The following CDH12 variants were observed in gnomAD, a reference collection of about 807,000 sequenced individuals.
The protein encoded by CDH12 is cadherin-12.
A neutral mutation model predicts 74.1 loss-of-function variants in CDH12; 41 were observed. That is an observed-to-expected ratio of 0.55 (90% confidence interval 0.43 to 0.72). The LOEUF (loss-of-function observed/expected upper bound fraction) is 0.72. Among genes scored for constraint, CDH12 ranks in the 30% least tolerant of loss-of-function variants. CDH12 has a pLI of 0.00. For missense variants in CDH12, 945 were observed against 977.2 expected (o/e 0.97, Z 0.44); for synonymous variants, 399 against 355.0 (o/e 1.12, Z -1.39).
intron 1 of CDH12, among the ~76,000 whole-genome samples, chr5:22,593,596 C>T (rs777278348): frequency 6.6e-6 from 1 of 152,112 alleles, no homozygotes; most frequent in Non-Finnish European, 1.5e-5. Flanking sequence ...TTAATTATCT[C>T]TTTTTGTAAC....
chr5:22,360,519 A>T (rs1388621114), intron 3 of CDH12, among the ~76,000 whole-genome samples: 1 of 152,202 alleles, frequency 6.6e-6, no homozygotes, highest in Non-Finnish European at 1.5e-5. Flanking sequence ...AGCTGGTACC[A>T]TTCCTTCTGA....
rs769795379 is a variant in CDH12, at chr5:21,842,152, G to T, written c.814+9C>A. 1 of 1,602,046 alleles carries T rather than the reference G, an allele frequency of 6.2e-7. No homozygotes were observed. The highest frequency in any genetic ancestry group is 1.7e-5 in the Admixed American group (1 of 58,030). On this transcript the variant is annotated intron_variant, in intron 8 of 14. Coordinates refer to ENST00000382254, the MANE Select transcript of CDH12 (RefSeq NM_004061.5). Reference sequence around the variant, plus strand: ...CAATAATTTAGGCTTAACAGGAAAGGTGACATACTTTTGGGGAATCGAGGT... The same window carrying T: ...CAATAATTTAGGCTTAACAGGAAAGTTGACATACTTTTGGGGAATCGAGGT...
intron 3 of CDH12, among the ~76,000 whole-genome samples, chr5:22,310,163 A>T (rs1240845485): frequency 6.6e-6 from 1 of 151,742 alleles, no homozygotes; most frequent in Non-Finnish European, 1.5e-5. Context: ...AAACAACAAT[A>T]ACAACAACAA....
intron 4 of CDH12, among the ~76,000 whole-genome samples, chr5:22,122,773 A>C (rs576142143): frequency 1.1e-4 from 17 of 152,248 alleles, no homozygotes; most frequent in African/African-American, 4.1e-4. Context: ...AAAACAAAAA[A>C]CCTGAGAAAG....
At chr5:22,547,670 T>A (rs991211686) in intron 1 of CDH12, among the ~76,000 whole-genome samples, 5 of 152,286 alleles carry the variant, frequency 3.3e-5, no homozygotes, top group African/African-American at 1.2e-4. Flanking sequence ...ATTTTATAAG[T>A]CATGTATCAA....
chr5:22,674,671 G>C (rs1264322429), intron 1 of CDH12, among the ~76,000 whole-genome samples: 5 of 152,132 alleles, frequency 3.3e-5, no homozygotes, highest in African/African-American at 1.2e-4. Context: ...TTGTTGAATG[G>C]CTTTGACAAA....
intron 1 of CDH12, among the ~76,000 whole-genome samples, chr5:22,535,166 T>TC (rs1393469769): frequency 1.4e-5 from 2 of 143,102 alleles, no homozygotes; most frequent in African/African-American, 5.1e-5. Context: ...TTCTTTTTTT[T>TC]TTTTTTTTGA....
intron 1 of CDH12, among the ~76,000 whole-genome samples, chr5:22,748,141 C>G (rs1230868247): frequency 6.6e-6 from 1 of 151,966 alleles, no homozygotes; most frequent in African/African-American, 2.4e-5. Flanking sequence ...TAAATTGAAA[C>G]AAGACAAAAA....
intron 6 of CDH12, among the ~76,000 whole-genome samples, chr5:21,924,964 A>G (rs1754522276): frequency 6.6e-6 from 1 of 152,186 alleles, no homozygotes; most frequent in African/African-American, 2.4e-5. Flanking sequence ...ATCTTCCTGG[A>G]GAATGCAACA....
chr5:21,832,931 ATAT>A (rs1318926006), intron 8 of CDH12, among the ~76,000 whole-genome samples: 2 of 70,754 alleles, frequency 2.8e-5, no homozygotes, highest in African/African-American at 1.1e-4. Context: ...TATATATCAT[ATAT>A]TATATATAAT....
At chr5:22,428,666 A>C (rs987219096) in intron 2 of CDH12, among the ~76,000 whole-genome samples, 1 of 152,150 alleles carries the variant, frequency 6.6e-6, no homozygotes, top group Non-Finnish European at 1.5e-5. Context: ...TGGGTCCAAC[A>C]CCAGAGGCAT....
chr5:21,970,877 A>G (rs1459468421), intron 6 of CDH12, among the ~76,000 whole-genome samples: 1 of 148,508 alleles, frequency 6.7e-6, no homozygotes. Context: ...AAAAAAAAGA[A>G]AAAAGAAAAT....
In CDH12 at chr5:22,313,521, C is replaced by G. The variant is rs1738477062; in HGVS notation, c.-333+91736G>C. ...AGTCTTTGTTCTAAAAGTCTCATTT[C>G]TTGTGAAAGCTCTTAGCTTAAGTAA... is the stretch of plus-strand genomic sequence containing the variant. On this transcript the variant is annotated intron_variant, in intron 3 of 14. Transcript: ENST00000382254. 2.6e-5 allele frequency among the ~76,000 whole-genome samples: 4 copies of G among 152,068 alleles called. 1 individual carries two copies. In the South Asian group the frequency reaches 8.3e-4, roughly 31 times the overall value.
At chr5:22,518,089 C>A (rs1736883433) in intron 1 of CDH12, among the ~76,000 whole-genome samples, 1 of 152,130 alleles carries the variant, frequency 6.6e-6, no homozygotes, top group African/African-American at 2.4e-5. Flanking sequence ...TCTGTTTAAG[C>A]AAATTGATTA....
At chr5:22,495,791 G>T (rs548116265) in intron 2 of CDH12, among the ~76,000 whole-genome samples, 4 of 152,066 alleles carry the variant, frequency 2.6e-5, no homozygotes, top group African/African-American at 9.6e-5. Context: ...TGAGTATGAC[G>T]CCCTTAATAA....
At chr5:22,179,039 G>A (rs1471942257) in intron 4 of CDH12, among the ~76,000 whole-genome samples, 1 of 152,164 alleles carries the variant, frequency 6.6e-6, no homozygotes, top group African/African-American at 2.4e-5. Context: ...GGAATACAAG[G>A]GTGATAATCC....
At chr5:22,203,484 C>G (rs1452516805) in intron 4 of CDH12, among the ~76,000 whole-genome samples, 2 of 152,082 alleles carry the variant, frequency 1.3e-5, no homozygotes, top group Non-Finnish European at 2.9e-5. Flanking sequence ...TTTTCCTTGT[C>G]CACTCATCTG....
At chr5:21,773,952 G>C (rs1179921795) in intron 11 of CDH12, among the ~76,000 whole-genome samples, 1 of 152,060 alleles carries the variant, frequency 6.6e-6, no homozygotes, top group Non-Finnish European at 1.5e-5. Context: ...ACTATGTTAG[G>C]CATAATTATG....
intron 6 of CDH12, among the ~76,000 whole-genome samples, chr5:21,865,933 G>T (rs1751302965): frequency 6.6e-6 from 1 of 152,160 alleles, no homozygotes; most frequent in Admixed American, 6.5e-5. Flanking sequence ...CCCTTATGTT[G>T]TGGGAGGGAC....
Sources: allele counts gnomAD v4.1 joint callset (sites outside exome capture counted in the v4.1 genomes callset), GRCh38; gene constraint gnomAD v4.1.1; transcripts MANE v1.5; gene names NCBI Gene and HGNC (gene_info 2026-07-23, HGNC 2026-07-21).